The following MRTFA variants were observed in gnomAD, a reference collection of about 807,000 sequenced individuals.
MRTFA encodes myocardin-related transcription factor A.
MRTFA carries 20 observed loss-of-function variants against 83.5 expected under a neutral mutation model. The ratio of observed to expected loss-of-function variants is 0.24; its 90% CI spans 0.17 to 0.35. The LOEUF is 0.35. Among genes scored for constraint, MRTFA ranks in the 10% least tolerant of loss-of-function variants. The probability of loss-of-function intolerance (pLI) is 1.00; values close to 1 mark genes in which losing one functional copy is unlikely to be tolerated. For synonymous variants in MRTFA, 659 were observed against 541.2 expected (o/e 1.22, Z -3.02); for missense variants, 1,200 against 1,224.7 (o/e 0.98, Z 0.30).
At chr22:40,427,756 G>A (rs2052985377) in intron 7 of MRTFA, among the ~76,000 whole-genome samples, 2 of 152,162 alleles carry the variant, frequency 1.3e-5, no homozygotes, top group Admixed American at 1.3e-4. Flanking sequence ...TTATGCTAAT[G>A]TGATAATCTG....
intron 3 of MRTFA, among the ~76,000 whole-genome samples, chr22:40,545,484 G>C (rs1032310773): frequency 1.3e-5 from 2 of 151,346 alleles, no homozygotes; most frequent in Non-Finnish European, 2.9e-5. Flanking sequence ...AGGCTGGAGT[G>C]CAGTGGCGCT....
At chr22:40,470,388 T>A (rs2053889031) in intron 3 of MRTFA, among the ~76,000 whole-genome samples, 2 of 147,784 alleles carry the variant, frequency 1.4e-5, no homozygotes, top group Admixed American at 6.8e-5. Flanking sequence ...ATGAGAGAAA[T>A]TAGAAAGTAC....
chr22:40,555,708 C>A (rs1024616340), intron 2 of MRTFA, among the ~76,000 whole-genome samples: 1 of 151,392 alleles, frequency 6.6e-6, no homozygotes, highest in Non-Finnish European at 1.5e-5. Context: ...GTGATCTCAG[C>A]TCACTGCAAG....
chr22:40,438,490 C>T (rs900060561), intron 4 of MRTFA, among the ~76,000 whole-genome samples: 3 of 152,172 alleles, frequency 2.0e-5, no homozygotes, highest in Non-Finnish European at 2.9e-5. Flanking sequence ...GAACAATTCA[C>T]CAGAACATCT....
At chr22:40,500,288 G>A (rs1013906687) in intron 3 of MRTFA, among the ~76,000 whole-genome samples, 3 of 149,428 alleles carry the variant, frequency 2.0e-5, no homozygotes, top group African/African-American at 7.4e-5. Context: ...CCTACAAAGA[G>A]AAATAATAAC....
chr22:40,464,236 G>A (rs1182849715), intron 3 of MRTFA, among the ~76,000 whole-genome samples: 1 of 141,774 alleles, frequency 7.1e-6, no homozygotes, highest in South Asian at 2.3e-4. Context: ...GGGAGGCGGA[G>A]GTTGCAGTGA....
intron 1 of MRTFA, among the ~76,000 whole-genome samples, chr22:40,617,040 T>G (rs963366946): frequency 6.6e-6 from 1 of 151,116 alleles, no homozygotes; most frequent in Non-Finnish European, 1.5e-5. Context: ...GGGGCATAGG[T>G]TGCAGTGACC....
chr22:40,620,416 A>T, intron 1 of MRTFA, among the ~76,000 whole-genome samples: 1 of 145,100 alleles, frequency 6.9e-6, no homozygotes, highest in Non-Finnish European at 1.5e-5. Context: ...GAGCCACAAC[A>T]TGCAGTCTTT....
chr22:40,518,040 A>G (rs899629760), intron 3 of MRTFA, among the ~76,000 whole-genome samples: 13 of 152,130 alleles, frequency 8.5e-5, no homozygotes, highest in Non-Finnish European at 1.6e-4. Flanking sequence ...ATGCCCAGAG[A>G]AGGCATGGGA....
chr22:40,584,730 CAA>C (rs58633243), intron 2 of MRTFA, among the ~76,000 whole-genome samples: 3 of 57,018 alleles, frequency 5.3e-5, no homozygotes, highest in Non-Finnish European at 7.2e-5. Flanking sequence ...GACTCTGTCT[CAA>C]AAAAAAAAAA....
chr22:40,444,186 C>G (rs951570616), intron 4 of MRTFA, among the ~76,000 whole-genome samples: 3 of 152,020 alleles, frequency 2.0e-5, no homozygotes, highest in Admixed American at 2.0e-4. Flanking sequence ...CATATTACAG[C>G]AGAATAAAGG....
At chr22:40,448,022 T>C (rs2053413978) in intron 4 of MRTFA, among the ~76,000 whole-genome samples, 1 of 152,096 alleles carries the variant, frequency 6.6e-6, no homozygotes, top group Non-Finnish European at 1.5e-5. Context: ...TACAAAAAAA[T>C]TAGCTGGGGC....
At chr22:40,596,585 T>C (rs1641991778) in intron 1 of MRTFA, among the ~76,000 whole-genome samples, 1 of 152,124 alleles carries the variant, frequency 6.6e-6, no homozygotes. Flanking sequence ...GCGGATCACT[T>C]GAGGTCAGGA....
At chr22:40,413,428 C>T (rs186185537) in intron 14 of MRTFA, among the ~76,000 whole-genome samples, 57 of 151,816 alleles carry the variant, frequency 3.8e-4, no homozygotes, top group Admixed American at 3.4e-3. Context: ...CAACCTCCGC[C>T]TCCCGTTTTC....
rs72655383 is a variant in MRTFA, at chr22:40,419,253, G to A, written c.1485C>T (p.Ala495=). Residue 495 remains alanine, a synonymous_variant, in exon 12 of 15, where the codon GCC becomes GCT. Coordinates refer to ENST00000355630, the MANE Select transcript of MRTFA (RefSeq NM_020831.6). ...CAGCCTTGTGCAGGATAGAGGTGGCGGCAGGGGCCTTGGGGGCTCCTGGCA... is the reference window on the plus strand; with the variant it reads ...CAGCCTTGTGCAGGATAGAGGTGGCAGCAGGGGCCTTGGGGGCTCCTGGCA... 101 of 1,612,210 alleles carry A rather than the reference G, an allele frequency of 6.3e-5. No homozygotes were observed. The highest frequency in any genetic ancestry group is 5.8e-4 in the East Asian group (26 of 44,798).
intron 4 of MRTFA, among the ~76,000 whole-genome samples, chr22:40,448,736 T>A (rs2053430892): frequency 6.6e-6 from 1 of 152,198 alleles, no homozygotes; most frequent in African/African-American, 2.4e-5. Flanking sequence ...AGTCACTGTA[T>A]AATCAAACTC....
chr22:40,474,379 T>C (rs1364817805), intron 3 of MRTFA, among the ~76,000 whole-genome samples: 1 of 152,254 alleles, frequency 6.6e-6, no homozygotes, highest in East Asian at 1.9e-4. Context: ...TTGCTCTTTA[T>C]ATTAATATAC....
At chr22:40,470,470 T>G (rs1377202880) in intron 3 of MRTFA, among the ~76,000 whole-genome samples, 1 of 151,072 alleles carries the variant, frequency 6.6e-6, no homozygotes, top group Non-Finnish European at 1.5e-5. Context: ...CTCATAGGTT[T>G]ATATTAGAAA....
At chr22:40,583,644 T>C (rs73169051) in intron 2 of MRTFA, among the ~76,000 whole-genome samples, 16,179 of 152,230 alleles carry the variant, frequency 0.11, 1,005 homozygotes, top group East Asian at 0.25. Flanking sequence ...AGATCAGCAG[T>C]GGCATTAGAT....
Sources: allele counts gnomAD v4.1 joint callset (sites outside exome capture counted in the v4.1 genomes callset), GRCh38; gene constraint gnomAD v4.1.1; transcripts MANE v1.5; gene names NCBI Gene and HGNC (gene_info 2026-07-23, HGNC 2026-07-21).